Variants in CLVS1 observed in about 807,000 individuals in gnomAD.
The protein encoded by CLVS1 is clavesin-1.
In CLVS1, 10 loss-of-function variants were observed where a neutral mutation model predicts 33.1. The observed-to-expected ratio is 0.30, with a 90% CI of 0.19 to 0.51. CLVS1 has a LOEUF of 0.51. CLVS1 is among the 20% of genes least tolerant of loss of function. The pLI, the probability that CLVS1 is intolerant of heterozygous loss-of-function variation, is 0.97. For missense variants in CLVS1, 343 were observed against 433.4 expected, an observed-to-expected ratio of 0.79 and a Z score of 1.85; for synonymous variants, 163 against 166.1, an observed-to-expected ratio of 0.98 and a Z score of 0.14.
intron 2 of CLVS1, among the ~76,000 whole-genome samples, chr8:61,363,662 G>T (rs1813075845): frequency 2.6e-5 from 4 of 152,196 alleles, no homozygotes; most frequent in Non-Finnish European, 4.4e-5. Flanking sequence ...TGTTGTTATT[G>T]TTGCTAAATG....
the CLVS1 span, among the ~76,000 whole-genome samples, chr8:61,041,828 C>T: frequency 6.6e-6 from 1 of 152,124 alleles, no homozygotes; most frequent in Admixed American, 6.6e-5. Context: ...GATGATTTGA[C>T]TTCTTTTTCT....
intron 3 of CLVS1, among the ~76,000 whole-genome samples, chr8:61,418,875 CT>C (rs1338348340): frequency 1.3e-5 from 2 of 152,188 alleles, no homozygotes; most frequent in East Asian, 3.8e-4. Context: ...CCACATATGC[CT>C]GCCCTGGATG....
chr8:61,403,645 A>G (rs897682147), intron 3 of CLVS1, among the ~76,000 whole-genome samples: 2 of 152,172 alleles, frequency 1.3e-5, no homozygotes, highest in African/African-American at 2.4e-5. Context: ...TGAGGCTACT[A>G]CTTAGGAGAC....
intron 1 of CLVS1, among the ~76,000 whole-genome samples, chr8:61,109,010 C>T (rs530126631): frequency 7.2e-5 from 11 of 152,284 alleles, no homozygotes; most frequent in African/African-American, 2.6e-4. Context: ...TTCCCATCCC[C>T]GTTGGGATTC....
intron 3 of CLVS1, among the ~76,000 whole-genome samples, chr8:61,384,677 C>A (rs7000082): frequency 0.016 from 2,427 of 152,196 alleles, 57 homozygotes; most frequent in African/African-American, 0.055. Flanking sequence ...TGGATATCTT[C>A]ATCATTTACC....
chr8:61,113,843 G>C (rs1215763240), intron 1 of CLVS1, among the ~76,000 whole-genome samples: 1 of 152,166 alleles, frequency 6.6e-6, no homozygotes, highest in Non-Finnish European at 1.5e-5. Flanking sequence ...TGTTGCCCAG[G>C]CTGGTCTCAA....
At chr8:60,995,541 G>A in the CLVS1 span, among the ~76,000 whole-genome samples, 148 of 152,218 alleles carry the variant, frequency 9.7e-4, no homozygotes, top group Non-Finnish European at 1.7e-3. Flanking sequence ...TGGAGAAATA[G>A]GAACACTTTT....
chr8:60,976,664 T>C, the CLVS1 span, among the ~76,000 whole-genome samples: 7 of 152,266 alleles, frequency 4.6e-5, no homozygotes, highest in Non-Finnish European at 1.0e-4. Context: ...TGAAGTCTAA[T>C]AGAACAATTG....
chr8:61,217,766 G>A (rs1282432717), intron 2 of CLVS1, among the ~76,000 whole-genome samples: 1 of 151,902 alleles, frequency 6.6e-6, no homozygotes, highest in Non-Finnish European at 1.5e-5. Flanking sequence ...TATACAGCAG[G>A]GGATTAATAT....
intron 1 of CLVS1, among the ~76,000 whole-genome samples, chr8:61,112,699 T>C (rs1292316295): frequency 6.6e-6 from 1 of 152,188 alleles, no homozygotes; most frequent in Non-Finnish European, 1.5e-5. Context: ...GGAGCCTTGA[T>C]TGAACCTCAG....
intron 1 of CLVS1, among the ~76,000 whole-genome samples, chr8:61,077,323 G>A (rs1351362055): frequency 1.3e-5 from 2 of 151,752 alleles, no homozygotes. Flanking sequence ...CACCCGCCTC[G>A]GCCTCCCAAA....
chr8:61,220,981 T>C (rs1808201252), intron 2 of CLVS1, among the ~76,000 whole-genome samples: 1 of 152,214 alleles, frequency 6.6e-6, no homozygotes, highest in Non-Finnish European at 1.5e-5. Flanking sequence ...TTTAGCTCTC[T>C]GCTTGCCTAT....
chr8:61,343,214 G>A (rs756394855), intron 2 of CLVS1, among the ~76,000 whole-genome samples: 1 of 152,128 alleles, frequency 6.6e-6, no homozygotes, highest in Non-Finnish European at 1.5e-5. Flanking sequence ...TGATTTTCTG[G>A]TTATCTTTGG....
intron 2 of CLVS1, among the ~76,000 whole-genome samples, chr8:61,160,417 A>C (rs903803188): frequency 6.6e-6 from 1 of 152,212 alleles, no homozygotes; most frequent in Non-Finnish European, 1.5e-5. Context: ...CGAAACAAAA[A>C]CAATTCTACC....
intron 2 of CLVS1, among the ~76,000 whole-genome samples, chr8:61,177,543 C>T (rs1807141422): frequency 6.6e-6 from 1 of 152,152 alleles, no homozygotes; most frequent in Non-Finnish European, 1.5e-5. Context: ...GACCCTCCAA[C>T]AGGGGTTGTC....
At chr8:61,071,482 C>T (rs1223654230) in intron 1 of CLVS1, among the ~76,000 whole-genome samples, 1 of 152,168 alleles carries the variant, frequency 6.6e-6, no homozygotes, top group African/African-American at 2.4e-5. Context: ...CTCCCTTGGC[C>T]TCTCTCTTAT....
intron 2 of CLVS1, among the ~76,000 whole-genome samples, chr8:61,170,848 G>A (rs1254920436): frequency 1.3e-5 from 2 of 152,104 alleles, no homozygotes; most frequent in East Asian, 1.9e-4. Context: ...ATACACACAA[G>A]AGCATGTCTT....
chr8:61,425,812 A>ACAGTT (rs1329597545), intron 3 of CLVS1, among the ~76,000 whole-genome samples: 2 of 152,234 alleles, frequency 1.3e-5, no homozygotes, highest in African/African-American at 4.8e-5. Flanking sequence ...GGGAGAGTAG[A>ACAGTT]CAGTTCCACA....
chr8:61,248,641 CATTTATATATATATATAT>C (rs1160564786), intron 2 of CLVS1, among the ~76,000 whole-genome samples: 1 of 129,386 alleles, frequency 7.7e-6, no homozygotes, highest in Non-Finnish European at 1.5e-5. Flanking sequence ...ATCACCAAGT[CATTTATATATATATATAT>C]ATGACAGTAT....
Sources: allele counts gnomAD v4.1 joint callset (sites outside exome capture counted in the v4.1 genomes callset), GRCh38; gene constraint gnomAD v4.1.1; transcripts MANE v1.5; gene names NCBI Gene and HGNC (gene_info 2026-07-23, HGNC 2026-07-21).